The following INSL6 variants were observed in gnomAD, a reference collection of about 807,000 sequenced individuals.
INSL6 encodes insulin like 6, also known as insulin-like peptide INSL6.
INSL6 carries 16 observed loss-of-function variants against 9.4 expected under a neutral mutation model. The ratio of observed to expected loss-of-function variants is 1.70; its 90% CI spans 1.15 to 2.59. INSL6 has a LOEUF of 2.59. Among genes scored for constraint, INSL6 ranks in the 30% most tolerant of loss-of-function variants. INSL6 has a pLI of 0.00. For missense variants in INSL6, 391 were observed against 257.3 expected, an observed-to-expected ratio of 1.52 and a Z score of -3.56; for synonymous variants, 154 against 96.9, an observed-to-expected ratio of 1.59 and a Z score of -3.46.
chr9:5,079,898 G>A, the INSL6 span, among the ~76,000 whole-genome samples: 1 of 152,132 alleles, frequency 6.6e-6, no homozygotes, highest in South Asian at 2.1e-4. Context: ...AGACACTATG[G>A]TTTAATGGAA....
At chr9:5,130,701 CTTTTTTTT>C (rs1824257433) in intron 3 of INSL6, among the ~76,000 whole-genome samples, 2 of 150,578 alleles carry the variant, frequency 1.3e-5, no homozygotes, top group South Asian at 4.2e-4. Context: ...TATGAATTTT[CTTTTTTTT>C]ATTTTTTTTA....
chr9:5,113,191 CTTTTTTTT>C, the INSL6 span, among the ~76,000 whole-genome samples: 1 of 57,160 alleles, frequency 1.7e-5, no homozygotes, highest in African/African-American at 8.2e-5. Context: ...CTGGCAGGAG[CTTTTTTTT>C]TTTTTTTTTT....
chr9:4,998,890 G>C, the INSL6 span, among the ~76,000 whole-genome samples: 2 of 152,012 alleles, frequency 1.3e-5, no homozygotes, highest in Admixed American at 6.5e-5. Flanking sequence ...TAGTGCAGTG[G>C]TGCGATCTGC....
At chr9:5,072,689 A>G in the INSL6 span, 6 of 1,256,000 alleles carry the variant, frequency 4.8e-6, no homozygotes, top group South Asian at 4.1e-5. Context: ...TCTCATATGC[A>G]TACAACGTAC....
chr9:5,022,149 T>C, the INSL6 span: 2 of 1,614,198 alleles, frequency 1.2e-6, no homozygotes, highest in South Asian at 2.2e-5. Flanking sequence ...AGGCAGATTA[T>C]CTGACCTTTC....
At chr9:5,130,353 G>C (rs1342732013) in intron 3 of INSL6, among the ~76,000 whole-genome samples, 1 of 152,188 alleles carries the variant, frequency 6.6e-6, no homozygotes, top group African/African-American at 2.4e-5. Flanking sequence ...AGTGTGAACA[G>C]ACAGAAGCAT....
chr9:5,116,041 A>G, the INSL6 span, among the ~76,000 whole-genome samples: 1 of 152,204 alleles, frequency 6.6e-6, no homozygotes, highest in Admixed American at 6.5e-5. Flanking sequence ...CATGTATCCC[A>G]AAACTTAAAG....
chr9:5,124,134 A>T (rs1479524292), exon 4 of INSL6, among the ~76,000 whole-genome samples: 1 of 151,840 alleles, frequency 6.6e-6, no homozygotes, highest in Non-Finnish European at 1.5e-5. Flanking sequence ...CAAAGTTTGC[A>T]AATATTTTCT....
At chr9:5,142,767 GT>G (rs1270195093) in intron 2 of INSL6, among the ~76,000 whole-genome samples, 2 of 152,134 alleles carry the variant, frequency 1.3e-5, no homozygotes, top group Non-Finnish European at 2.9e-5. Context: ...GGGCATCCTT[GT>G]TTTGTGCCAG....
chr9:5,041,202 C>T, the INSL6 span: 1 of 1,451,030 alleles, frequency 6.9e-7, no homozygotes, highest in Non-Finnish European at 9.5e-7. Flanking sequence ...GACGTGAAGC[C>T]CGAGAACTTC....
chr9:5,047,628 C>T, the INSL6 span, among the ~76,000 whole-genome samples: 67 of 152,174 alleles, frequency 4.4e-4, no homozygotes, highest in Non-Finnish European at 8.1e-4. Context: ...GTCAGCTACT[C>T]AAATGAGAAA....
the INSL6 span, among the ~76,000 whole-genome samples, chr9:5,115,961 A>G: frequency 2.0e-5 from 3 of 151,974 alleles, no homozygotes; most frequent in Non-Finnish European, 4.4e-5. Context: ...AATGTAGTTG[A>G]TGGGTTGATG....
At chr9:5,080,392 T>G in the INSL6 span, 2 of 1,595,234 alleles carry the variant, frequency 1.3e-6, no homozygotes, top group Admixed American at 1.8e-5. Context: ...TAAGTTTATA[T>G]AGACTAAGTT....
chr9:5,064,626 C>T, the INSL6 span, among the ~76,000 whole-genome samples: 7 of 151,768 alleles, frequency 4.6e-5, no homozygotes. Context: ...GTATATTAGT[C>T]TAAGAAGGAC....
the INSL6 span, among the ~76,000 whole-genome samples, chr9:5,082,568 C>G: frequency 6.6e-6 from 1 of 152,222 alleles, no homozygotes; most frequent in South Asian, 2.1e-4. Flanking sequence ...ACTAATCCTC[C>G]CCAGCACAGA....
At chr9:5,170,655 G>A (rs1393944360) in intron 1 of INSL6, among the ~76,000 whole-genome samples, 2 of 151,490 alleles carry the variant, frequency 1.3e-5, no homozygotes, top group African/African-American at 2.4e-5. Flanking sequence ...GGATAAAGGG[G>A]ATATCACCAC....
intron 1 of INSL6, among the ~76,000 whole-genome samples, chr9:5,167,235 T>C (rs747550671): frequency 4.6e-4 from 70 of 152,204 alleles, no homozygotes; most frequent in Non-Finnish European, 4.7e-4. Flanking sequence ...GCTTTTACCA[T>C]GAATCCTTGC....
chr9:5,134,339 GAAC>G (rs1485934440), intron 2 of INSL6, among the ~76,000 whole-genome samples: 1 of 152,068 alleles, frequency 6.6e-6, no homozygotes, highest in Non-Finnish European at 1.5e-5. Flanking sequence ...GAAATATAGA[GAAC>G]ACCACAAAGA....
chr9:5,055,862 C>A, the INSL6 span: 15 of 1,330,368 alleles, frequency 1.1e-5, no homozygotes, highest in Non-Finnish European at 1.6e-5. Flanking sequence ...AATCTTAGTA[C>A]CAAAATTATT....
Sources: allele counts gnomAD v4.1 joint callset (sites outside exome capture counted in the v4.1 genomes callset), GRCh38; gene constraint gnomAD v4.1.1; transcripts MANE v1.5; gene names NCBI Gene and HGNC (gene_info 2026-07-23, HGNC 2026-07-21).